Variants in KIAA0319 observed in about 807,000 individuals in gnomAD.
KIAA0319 encodes the protein dyslexia-associated protein KIAA0319.
A neutral mutation model predicts 108.4 loss-of-function variants in KIAA0319; 83 were observed. The observed-to-expected ratio is 0.77, with a 90% CI of 0.64 to 0.92. KIAA0319 has a LOEUF of 0.92. KIAA0319 is among the 40% of genes least tolerant of loss of function. KIAA0319 has a pLI of 0.00. For synonymous variants in KIAA0319, 484 were observed against 510.4 expected (o/e 0.95, Z 0.70); for missense variants, 1,195 against 1,322.4 (o/e 0.90, Z 1.49).
chr6:24,586,524 C>A (rs9379667), intron 4 of KIAA0319, among the ~76,000 whole-genome samples: 4,289 of 152,242 alleles, frequency 0.028, 91 homozygotes, highest in East Asian at 0.089. Context: ...GCATAATGAA[C>A]CTCACTCTTG....
chr6:24,632,114 A>G (rs1775655661), intron 1 of KIAA0319, among the ~76,000 whole-genome samples: 1 of 152,246 alleles, frequency 6.6e-6, no homozygotes, highest in African/African-American at 2.4e-5. Context: ...CTTTTTCCCT[A>G]TGAAGGAAGA....
At chr6:24,591,737 T>C (rs148505856) in intron 3 of KIAA0319, among the ~76,000 whole-genome samples, 224 of 152,344 alleles carry the variant, frequency 1.5e-3, no homozygotes, top group Non-Finnish European at 2.0e-3. Context: ...AGCCATCTAG[T>C]AGATGTGAAG....
At chr6:24,572,937 G>A (rs894674081) in intron 10 of KIAA0319, among the ~76,000 whole-genome samples, 5 of 152,028 alleles carry the variant, frequency 3.3e-5, no homozygotes, top group African/African-American at 9.7e-5. Flanking sequence ...CCAACATGGT[G>A]GAACCCCGTC....
Position 24,599,009 on chromosome 6 carries a change from C to G in KIAA0319, c.55+2040G>C. On this transcript the variant is annotated intron_variant, in intron 2 of 20. Transcript: ENST00000378214. The surrounding 1 kb of genome is among the most constrained non-coding windows in gnomAD (Gnocchi z 4.1). ...AGTCTCGCCTGGAAGGGCTGAATAA[C>G]GAGATCAACTTCCTCAGGCAGCTGT... 1.4e-6 allele frequency: 1 copy of G among 708,202 alleles called. No homozygotes were observed. Among genetic ancestry groups the G allele is most frequent in the Non-Finnish European group, 2.6e-6 (1 of 389,130 alleles). The allele number at this position is 708,202 out of a possible 1,614,324, so 43.9% of individuals were successfully genotyped here.
chr6:24,578,287 G>C (rs974958813), intron 8 of KIAA0319, 45 bp from the exon 9 acceptor site: 1 of 1,432,522 alleles, frequency 7.0e-7, no homozygotes. Flanking sequence ...ACAAGAAGAG[G>C]AAGACATAAG....
Position 24,569,938 on chromosome 6 carries a change from G to A in KIAA0319, c.1956C>T (p.Asp652=), listed in dbSNP as rs527891791. The A allele has an allele frequency of 4.6e-5, 74 of 1,614,158 alleles. No individual in the cohort carries two copies. The South Asian group carries it at 4.9e-4, about 11-fold the overall frequency. Residue 652 remains aspartate (D), a synonymous_variant, in exon 12 of 21, where the codon GAC becomes GAT. Coordinates refer to ENST00000378214, the MANE Select transcript of KIAA0319 (RefSeq NM_014809.4). ...ATLDGSSSSD[D]HGIVFYHWEH... ...CCCAGTGGTAGAAGACAATGCCGTG[G>A]TCATCGCTGCTGCTGCTCCCATCCA...
rs1008397569 is a variant in KIAA0319 at position 24,599,128 on chromosome 6, T to C, written c.55+1921A>G. The C allele has an allele frequency of 1.5e-6, 1 of 653,036 alleles. No homozygotes were observed. The highest frequency in any genetic ancestry group is 2.2e-5 in the Admixed American group (1 of 44,572). 40.5% of individuals were successfully genotyped at this position (653,036 alleles called of 1,614,324 possible). On this transcript the variant is annotated intron_variant, in intron 2 of 20. Coordinates refer to ENST00000378214, the MANE Select transcript of KIAA0319 (RefSeq NM_014809.4). The surrounding 1 kb of genome is among the most constrained non-coding windows in gnomAD (Gnocchi z 4.1). ...AGCTGGTCCCTGGACATGGACAGCA[T>C]CATTGCTGAGGTCAAGGCCCAGTAC...
chr6:24,612,359 G>A (rs1772458041), intron 1 of KIAA0319, among the ~76,000 whole-genome samples: 1 of 151,622 alleles, frequency 6.6e-6, no homozygotes, highest in Non-Finnish European at 1.5e-5. Flanking sequence ...GCTGAGGTAA[G>A]AGACTCACTT....
Position 24,596,499 on chromosome 6 carries a change from C to A in KIAA0319, c.175G>T (p.Ala59Ser). 6.2e-7 allele frequency: 1 copy of A among 1,614,132 alleles called. No individual in the cohort carries two copies. The highest frequency in any genetic ancestry group is 1.1e-5 in the South Asian group (1 of 91,088). The stretch of plus-strand genomic sequence containing the variant: ...CAGCTGGACAGGTCACAGCAAGCGG[C>A]CGTGCAGTCTACGACAGGGAAGGTG... Reference protein sequence around the residue: ...SHTFPVVDCTAACCDLSSCDL... With the variant: ...SHTFPVVDCTSACCDLSSCDL... Residue 59 changes from alanine to serine, a missense_variant, in exon 3 of 21, where the codon GCC becomes TCC. By Grantham distance (99) the Ala-to-Ser change is moderately conservative (BLOSUM62 1). Coordinates refer to ENST00000378214, the MANE Select transcript of KIAA0319 (RefSeq NM_014809.4).
intron 1 of KIAA0319, among the ~76,000 whole-genome samples, chr6:24,644,181 T>C (rs1469363380): frequency 2.0e-5 from 3 of 152,122 alleles, no homozygotes; most frequent in African/African-American, 7.2e-5. Flanking sequence ...ATGGTCCCCG[T>C]CTGAGTGAGT....
chr6:24,624,589 G>T (rs997300420), intron 1 of KIAA0319, among the ~76,000 whole-genome samples: 8 of 152,114 alleles, frequency 5.3e-5, no homozygotes, highest in African/African-American at 1.9e-4. Context: ...TGATCTATTA[G>T]AAGATAATTG....
intron 5 of KIAA0319, 108 bp downstream of exon 5, chr6:24,583,496 G>A (rs1766944197): frequency 1.3e-6 from 1 of 744,056 alleles, no homozygotes; most frequent in Non-Finnish European, 2.3e-6. Context: ...TGTTTGTGAC[G>A]TCGTGCAATA....
chr6:24,548,459 C>T (rs982797781), intron 20 of KIAA0319, among the ~76,000 whole-genome samples: 14 of 152,116 alleles, frequency 9.2e-5, no homozygotes, highest in African/African-American at 3.4e-4. Context: ...TTCCCCAGTG[C>T]GCAGGTGGAC....
intron 5 of KIAA0319, among the ~76,000 whole-genome samples, chr6:24,582,586 C>T (rs1225269273): frequency 1.3e-5 from 2 of 148,798 alleles, no homozygotes; most frequent in African/African-American, 5.0e-5. Context: ...TAACATGTAT[C>T]TTCTTAATGT....
intron 1 of KIAA0319, among the ~76,000 whole-genome samples, chr6:24,617,692 G>C (rs962115187): frequency 6.6e-6 from 1 of 152,068 alleles, no homozygotes; most frequent in African/African-American, 2.4e-5. Context: ...GAACCCTAAA[G>C]AAGTAGAACC....
chr6:24,579,019 A>T (rs954167510), intron 8 of KIAA0319, among the ~76,000 whole-genome samples: 1 of 152,232 alleles, frequency 6.6e-6, no homozygotes, highest in African/African-American at 2.4e-5. Flanking sequence ...TGATCTCTGT[A>T]AATTTGCAGG....
chr6:24,580,317 C>T lies in KIAA0319; in HGVS notation c.1280-367G>A, dbSNP rs944395757. Among the ~76,000 whole-genome samples, 5 of 145,374 alleles carry T rather than the reference C, an allele frequency of 3.4e-5. No individual in the cohort carries two copies. In the South Asian group the frequency reaches 7.3e-4, roughly 21 times the overall value. ...ATCTCTAACTGAAGGCAACTCCCCC[C>T]CCCACCCCCCATAACCATATGCAAA... On this transcript the variant is annotated intron_variant, in intron 7 of 20. Coordinates refer to ENST00000378214, the MANE Select transcript of KIAA0319 (RefSeq NM_014809.4).
chr6:24,617,897 G>C (rs1773387533), intron 1 of KIAA0319, among the ~76,000 whole-genome samples: 1 of 152,184 alleles, frequency 6.6e-6, no homozygotes, highest in Non-Finnish European at 1.5e-5. Flanking sequence ...TGAGGCAGGA[G>C]AATCTCTTGA....
In KIAA0319 at chr6:24,570,023, G is replaced by A. The variant is rs1427071304; in HGVS notation, c.1871C>T (p.Pro624Leu). The change falls in exon 12 of 21, where the codon CCT (proline) becomes CTT (leucine). Residue 624 changes from proline (P) to leucine (L), a missense_variant. Physicochemically the swap from Pro to Leu is moderately conservative, Grantham distance 98. Coordinates refer to ENST00000378214, the MANE Select transcript of KIAA0319 (RefSeq NM_014809.4). ...ATCAGGGCCGGCCACAGCCACTGGA[G>A]GTCTATTGTTTTCTGGAATTACAGA... Reference protein sequence around the residue: ...TVIVQPENNRPPVAVAGPDKE... With the variant: ...TVIVQPENNRLPVAVAGPDKE... The A allele has an allele frequency of 6.2e-7, 1 of 1,613,928 alleles. No homozygotes were observed. Among genetic ancestry groups the A allele is most frequent in the South Asian group, 1.1e-5 (1 of 91,062 alleles).
Sources: allele counts gnomAD v4.1 joint callset (sites outside exome capture counted in the v4.1 genomes callset), GRCh38; gene constraint gnomAD v4.1.1; non-coding constraint Gnocchi (gnomAD v3.1); transcripts MANE v1.5; gene names NCBI Gene and HGNC (gene_info 2026-07-23, HGNC 2026-07-21).